The following ZNF704 variants were observed in gnomAD, a reference collection of about 807,000 sequenced individuals.
The protein encoded by ZNF704 is zinc finger protein 704, also known as glucocorticoid induced gene 1.
ZNF704 carries 10 observed loss-of-function variants against 44.7 expected under a neutral mutation model. That is an observed-to-expected ratio of 0.22 (90% CI 0.14 to 0.38). The LOEUF is 0.38. Ranked by LOEUF, ZNF704 falls within the 10% of genes least tolerant of loss-of-function variation. The probability of loss-of-function intolerance (pLI) is 1.00; values close to 1 mark genes in which losing one functional copy is unlikely to be tolerated. For synonymous variants in ZNF704, 211 were observed against 207.6 expected (o/e 1.02, Z -0.14); for missense variants, 390 against 545.5 (o/e 0.71, Z 2.84).
intron 2 of ZNF704, among the ~76,000 whole-genome samples, chr8:80,796,213 C>T (rs1435201013): frequency 6.6e-6 from 1 of 152,142 alleles, no homozygotes; most frequent in Non-Finnish European, 1.5e-5. Flanking sequence ...CTGGTGACAG[C>T]CTTATTGCTG....
At chr8:80,815,991 G>A (rs973159321) in intron 2 of ZNF704, among the ~76,000 whole-genome samples, 4 of 152,162 alleles carry the variant, frequency 2.6e-5, no homozygotes, top group Admixed American at 6.5e-5. Flanking sequence ...GCAACTCTGT[G>A]AGCTACCTTG....
At chr8:80,703,507 C>T (rs1818845462) in intron 2 of ZNF704, among the ~76,000 whole-genome samples, 1 of 152,170 alleles carries the variant, frequency 6.6e-6, no homozygotes, top group African/African-American at 2.4e-5. Flanking sequence ...CAGGGTCTTG[C>T]TCTGTCACCC....
chr8:80,671,009 T>C (rs1053204614), intron 4 of ZNF704, among the ~76,000 whole-genome samples: 8 of 152,184 alleles, frequency 5.3e-5, no homozygotes, highest in Non-Finnish European at 1.2e-4. Context: ...CCATAAAAAG[T>C]GTCCAGTCAA....
At chr8:80,725,323 T>G (rs1013737524) in intron 2 of ZNF704, among the ~76,000 whole-genome samples, 1 of 152,176 alleles carries the variant, frequency 6.6e-6, no homozygotes, top group Non-Finnish European at 1.5e-5. Flanking sequence ...CAAACAAAAT[T>G]TTTGTATAAG....
intron 4 of ZNF704, among the ~76,000 whole-genome samples, chr8:80,674,008 G>C (rs1217004648): frequency 6.6e-6 from 1 of 152,234 alleles, no homozygotes; most frequent in Admixed American, 6.5e-5. Context: ...CCTGCAGTGT[G>C]CAGTGCTGGG....
intron 4 of ZNF704, among the ~76,000 whole-genome samples, chr8:80,683,121 T>C (rs1818480051): frequency 6.6e-6 from 1 of 152,178 alleles, no homozygotes; most frequent in Non-Finnish European, 1.5e-5. Flanking sequence ...TGCATCACCT[T>C]GTGGTCATGA....
intron 2 of ZNF704, among the ~76,000 whole-genome samples, chr8:80,727,293 C>T (rs1359269887): frequency 6.6e-6 from 1 of 152,098 alleles, no homozygotes; most frequent in Non-Finnish European, 1.5e-5. Flanking sequence ...GACCCAGCAT[C>T]GGTTCAGTCA....
At chr8:80,702,821 A>G (rs1168697885) in intron 2 of ZNF704, among the ~76,000 whole-genome samples, 1 of 152,060 alleles carries the variant, frequency 6.6e-6, no homozygotes, top group Non-Finnish European at 1.5e-5. Flanking sequence ...CAGAGGTGAA[A>G]GTCGCTGGAT....
chr8:80,710,639 G>A (rs1420543653), intron 2 of ZNF704, among the ~76,000 whole-genome samples: 1 of 152,158 alleles, frequency 6.6e-6, no homozygotes, highest in African/African-American at 2.4e-5. Context: ...AAGAAGAAGA[G>A]ACACCAGAGC....
At chr8:80,667,793 A>G (rs921543167) in intron 5 of ZNF704, among the ~76,000 whole-genome samples, 5 of 152,184 alleles carry the variant, frequency 3.3e-5, no homozygotes, top group Non-Finnish European at 7.4e-5. Flanking sequence ...TGACTCCTAC[A>G]CATTCTAGTT....
chr8:80,814,170 C>T (rs1808138566), intron 2 of ZNF704: 1 of 152,180 alleles, frequency 6.6e-6, no homozygotes, highest in African/African-American at 2.4e-5. Context: ...GACAGAATTG[C>T]TTCTTTTTCA....
chr8:80,875,306 A>T (rs953531759), upstream of ZNF704, among the ~76,000 whole-genome samples: 1 of 151,796 alleles, frequency 6.6e-6, no homozygotes, highest in Non-Finnish European at 1.5e-5. Context: ...TTATTTATAT[A>T]TATTTCTTTA....
the ZNF704 span, among the ~76,000 whole-genome samples, chr8:80,882,805 G>A: frequency 6.6e-6 from 1 of 152,078 alleles, no homozygotes; most frequent in Non-Finnish European, 1.5e-5. Context: ...TTACTACAGT[G>A]ATGTGCTATT....
chr8:80,789,129 AAAC>A (rs1807661756), intron 2 of ZNF704, among the ~76,000 whole-genome samples: 1 of 152,200 alleles, frequency 6.6e-6, no homozygotes, highest in East Asian at 1.9e-4. Flanking sequence ...AACCATAAGA[AAAC>A]AACTCCAAAA....
chr8:80,647,666 T>TA (rs1817854797), intron 7 of ZNF704, among the ~76,000 whole-genome samples: 1 of 152,004 alleles, frequency 6.6e-6, no homozygotes, highest in Non-Finnish European at 1.5e-5. Context: ...GCCTAGGACT[T>TA]GTGGGTTAGG....
intron 5 of ZNF704, among the ~76,000 whole-genome samples, chr8:80,669,824 G>GC (rs528717240): frequency 5.3e-5 from 8 of 152,142 alleles, no homozygotes; most frequent in African/African-American, 1.4e-4. Context: ...GAATACCACT[G>GC]CCCCCCTGGG....
At chr8:80,659,742 G>A (rs1818070774) in intron 6 of ZNF704, 53 bp from the exon 7 acceptor site, 1 of 1,529,200 alleles carries the variant, frequency 6.5e-7, no homozygotes, top group Non-Finnish European at 9.1e-7. Context: ...TTCCTTCGGA[G>A]CTTTAAGCTC....
chr8:80,726,828 C>G (rs1806488920), intron 2 of ZNF704, among the ~76,000 whole-genome samples: 1 of 141,264 alleles, frequency 7.1e-6, no homozygotes, highest in South Asian at 2.4e-4. Context: ...AATACACACA[C>G]ACATGCACAC....
chr8:80,641,313 C>T lies in ZNF704; in HGVS notation c.*53G>A, dbSNP rs1817739186. 2.5e-6 allele frequency: 3 copies of T among 1,202,962 alleles called. No individual in the cohort carries two copies. Among genetic ancestry groups the T allele is most frequent in the Non-Finnish European group, 2.3e-6 (2 of 876,184 alleles). The allele number at this position is 1,202,962 out of a possible 1,614,324, so 74.5% of individuals were successfully genotyped here. On this transcript the variant is annotated 3_prime_UTR_variant, in exon 9 of 9. Transcript: ENST00000327835. The stretch of plus-strand genomic sequence containing the variant: ...AAGCTCTTTCCAACACCTGCAGTGG[C>T]AGGCCAGGGCAGGAGCGGCTCAGGG...
Sources: gnomAD v4.1 joint callset for allele counts (sites outside exome capture counted in the v4.1 genomes callset) on GRCh38, gnomAD v4.1.1 for gene constraint, MANE v1.5 for transcripts, NCBI Gene and HGNC (gene_info 2026-07-23, HGNC 2026-07-21) for gene names.